The following PSORS1C1 variants were observed in gnomAD, a reference collection of about 807,000 sequenced individuals.
PSORS1C1 encodes psoriasis susceptibility 1 candidate gene 1 protein.
A neutral mutation model predicts 9.4 loss-of-function variants in PSORS1C1; 7 were observed. The observed-to-expected ratio is 0.75, with a 90% CI of 0.42 to 1.40. The LOEUF (loss-of-function observed/expected upper bound fraction) is 1.40, where lower values mean the gene tolerates loss of function less well. Among genes scored for constraint, PSORS1C1 ranks in the 40% most tolerant of loss-of-function variants. The probability of loss-of-function intolerance (pLI) is 0.01; values close to 1 mark genes in which losing one functional copy is unlikely to be tolerated. For synonymous variants in PSORS1C1, 63 were observed against 69.4 expected (o/e 0.91, Z 0.46); for missense variants, 146 against 178.1 (o/e 0.82, Z 1.02).
Position 31,115,344 on chromosome 6 carries a change from T to G in PSORS1C1, c.-229+453T>G. On this transcript the variant is annotated intron_variant, in intron 1 of 5. Coordinates refer to ENST00000259881, the MANE Select transcript of PSORS1C1 (RefSeq NM_014068.3). The surrounding 1 kb of genome is among the most constrained non-coding windows in gnomAD (Gnocchi z 4.2). ...GGGAGCCTGCTTCAACCTCTGAGGGTGCCCCAGTGTCTCCCTCACCCAGGG... is the reference window on the plus strand; with the variant it reads ...GGGAGCCTGCTTCAACCTCTGAGGGGGCCCCAGTGTCTCCCTCACCCAGGG... The G allele has an allele frequency of 5.7e-6, 1 of 176,566 alleles. No individual in the cohort carries two copies. Among genetic ancestry groups the G allele is most frequent in the East Asian group, 1.6e-4 (1 of 6,294 alleles). The allele number at this position is 176,566 out of a possible 1,614,324, so 10.9% of individuals were successfully genotyped here. A position where few individuals can be genotyped will look rare whatever the true frequency, so the allele number is the denominator to read the frequency against.
chr6:31,136,778 C>T (rs1041241812), intron 3 of PSORS1C1, among the ~76,000 whole-genome samples: 2 of 152,186 alleles, frequency 1.3e-5, no homozygotes, highest in African/African-American at 4.8e-5. Context: ...ACATGCTGGA[C>T]ATGGGCAAGA....
chr6:31,118,158 A>G (rs1467020735), intron 1 of PSORS1C1: 1 of 153,250 alleles, frequency 6.5e-6, no homozygotes, highest in South Asian at 2.1e-4. Context: ...GGAGACACAT[A>G]TAGAAGGAGA....
intron 1 of PSORS1C1, chr6:31,118,325 C>T (rs117198148): frequency 0.015 from 2,325 of 152,562 alleles, 92 homozygotes; most frequent in South Asian, 0.14. Context: ...GCCAGTAAAG[C>T]TGGGTGGGGG....
chr6:31,139,723 CAGG>C lies in PSORS1C1; in HGVS notation c.255_257del (p.Glu85del). 6.2e-7 allele frequency: 1 copy of C among 1,613,096 alleles called. No individual in the cohort carries two copies. The highest frequency in any genetic ancestry group is 8.5e-7 in the Non-Finnish European group (1 of 1,180,016). On this transcript the variant is annotated inframe_deletion, in exon 6 of 6. Transcript: ENST00000259881. The surrounding 1 kb of genome is among the most constrained non-coding windows in gnomAD (Gnocchi z 5.2). ...GGATGACTGCAGAAAAGGAAGGACA[CAGG>C]AGGATATCCTGGTTCCCTCTTCCCA... is the stretch of plus-strand genomic sequence containing the variant.
At chr6:31,131,030 G>A (rs1424773429) in intron 3 of PSORS1C1, among the ~76,000 whole-genome samples, 1 of 151,946 alleles carries the variant, frequency 6.6e-6, no homozygotes, top group Non-Finnish European at 1.5e-5. Context: ...GTCTTGTTAT[G>A]TTGCCCAGGC....
intron 2 of PSORS1C1, among the ~76,000 whole-genome samples, chr6:31,127,769 G>A (rs992448786): frequency 1.3e-5 from 2 of 151,818 alleles, no homozygotes; most frequent in South Asian, 2.1e-4. Flanking sequence ...AGCTGAGATC[G>A]CACCACTGCA....
intron 3 of PSORS1C1, among the ~76,000 whole-genome samples, chr6:31,131,717 G>C (rs1186818036): frequency 6.6e-6 from 1 of 151,852 alleles, no homozygotes; most frequent in Non-Finnish European, 1.5e-5. Flanking sequence ...GTGTGACCTT[G>C]CATGGGTCAC....
At chr6:31,121,056 A>C (rs1330003451) in intron 1 of PSORS1C1, among the ~76,000 whole-genome samples, 2 of 151,124 alleles carry the variant, frequency 1.3e-5, no homozygotes, top group Non-Finnish European at 3.0e-5. Flanking sequence ...CATACCTATT[A>C]CGTGTTCCAT....
intron 1 of PSORS1C1, among the ~76,000 whole-genome samples, chr6:31,124,309 G>T (rs2150965044): frequency 6.6e-6 from 1 of 152,282 alleles, no homozygotes; most frequent in African/African-American, 2.4e-5. Flanking sequence ...TGGGGCACGA[G>T]ATCCACCATG....
intron 5 of PSORS1C1, 180 bp downstream of exon 5, chr6:31,138,959 G>C: frequency 6.2e-7 from 1 of 1,613,726 alleles, no homozygotes. Context: ...CCCTGCCTCT[G>C]TTCCCACCTC....
At chr6:31,137,468 AC>A (rs1773199517) in intron 3 of PSORS1C1, 1 of 155,200 alleles carries the variant, frequency 6.4e-6, no homozygotes, top group Non-Finnish European at 1.4e-5. Context: ...AAAGAAAAAA[AC>A]AAATAAATAA....
intron 1 of PSORS1C1, among the ~76,000 whole-genome samples, chr6:31,123,630 T>C (rs973284597): frequency 1.3e-5 from 2 of 152,204 alleles, no homozygotes; most frequent in Admixed American, 6.5e-5. Flanking sequence ...TCAAAGCACA[T>C]GCCTTCCATA....
At position 31,114,891 on chromosome 6, in the gene PSORS1C1, G is replaced by A; in HGVS notation, c.-229G>A. ...CTCCCAGAGAGGATGGCATCTAGAAGGTGAGGAATGCTAATGGTGGAAGAA... is the reference window on the plus strand; with the variant it reads ...CTCCCAGAGAGGATGGCATCTAGAAAGTGAGGAATGCTAATGGTGGAAGAA... On this transcript the variant is annotated splice_region_variant and 5_prime_UTR_variant, in exon 1 of 6. Transcript: ENST00000259881. The A allele has an allele frequency of 2.2e-6, 1 of 456,230 alleles. No homozygotes were observed. Among genetic ancestry groups the A allele is most frequent in the Non-Finnish European group, 4.4e-6 (1 of 226,832 alleles). The allele number at this position is 456,230 out of a possible 1,614,324, so 28.3% of individuals were successfully genotyped here. A position where few individuals can be genotyped will look rare whatever the true frequency, so the allele number is the denominator to read the frequency against.
chr6:31,132,780 T>C (rs960851966), intron 3 of PSORS1C1, among the ~76,000 whole-genome samples: 3 of 151,134 alleles, frequency 2.0e-5, no homozygotes, highest in African/African-American at 7.3e-5. Flanking sequence ...GCCCAGGAGG[T>C]TGAGACTGCA....
At chr6:31,120,567 G>A (rs954301418) in intron 1 of PSORS1C1, 25 of 717,396 alleles carry the variant, frequency 3.5e-5, no homozygotes, top group African/African-American at 2.1e-4. Flanking sequence ...TGGTGTGGCC[G>A]GGAGGAGCGT....
In PSORS1C1 at chr6:31,140,085, T is replaced by G; in HGVS notation, c.*153T>G. ...CTACCCCACAGTAAGGAACACCTTA[T>G]TATGCAATGGCGTGATCTCATCTGT... On this transcript the variant is annotated 3_prime_UTR_variant, in exon 6 of 6. Transcript: ENST00000259881. The surrounding 1 kb of genome is among the most constrained non-coding windows in gnomAD (Gnocchi z 4.6). 1.4e-6 allele frequency: 1 copy of G among 710,792 alleles called. No homozygotes were observed. Among genetic ancestry groups the G allele is most frequent in the East Asian group, 2.5e-5 (1 of 39,458 alleles). The allele number at this position is 710,792 out of a possible 1,614,324, so 44.0% of individuals were successfully genotyped here.
rs889095438 is a variant in PSORS1C1 at position 31,114,824 on chromosome 6, G to C, written c.-296G>C. On this transcript the variant is annotated 5_prime_UTR_variant, in exon 1 of 6. Coordinates refer to ENST00000259881, the MANE Select transcript of PSORS1C1 (RefSeq NM_014068.3). ...AGTTGTTGTGTCCCAGCCTTCCCAAGCTTCCAGGTGTCCCAGAAACCCAGG... is the reference window on the plus strand; with the variant it reads ...AGTTGTTGTGTCCCAGCCTTCCCAACCTTCCAGGTGTCCCAGAAACCCAGG... 2 of 455,692 alleles carry C rather than the reference G, an allele frequency of 4.4e-6. No homozygotes were observed. Among genetic ancestry groups the C allele is most frequent in the African/African-American group, 4.0e-5 (2 of 49,974 alleles). 28.2% of individuals were successfully genotyped at this position (455,692 alleles called of 1,614,324 possible).
At chr6:31,118,247 G>A (rs1051583862) in intron 1 of PSORS1C1, 1 of 152,440 alleles carries the variant, frequency 6.6e-6, no homozygotes, top group Non-Finnish European at 1.5e-5. Flanking sequence ...TTGGTCACCA[G>A]CTTCTTCGTG....
rs1477062300 is a variant in PSORS1C1 at position 31,128,748 on chromosome 6, T to C, written c.-64-821T>C. On this transcript the variant is annotated intron_variant, in intron 2 of 5. Coordinates refer to ENST00000259881, the MANE Select transcript of PSORS1C1 (RefSeq NM_014068.3). This position sits in a 1 kb window ranked among gnomAD's most constrained non-coding sequence, Gnocchi z 4.3. ...ATACCAAAGCGAGTCTTGGGTCTAA[T>C]AATTTTGAAACATGAAATTGGCAGA... Among the ~76,000 whole-genome samples, 1 of 152,218 alleles carries C rather than the reference T, an allele frequency of 6.6e-6. No homozygotes were observed. The highest frequency in any genetic ancestry group is 1.5e-5 in the Non-Finnish European group (1 of 68,036).
Sources: allele counts gnomAD v4.1 joint callset (sites outside exome capture counted in the v4.1 genomes callset), GRCh38; gene constraint gnomAD v4.1.1; non-coding constraint Gnocchi (gnomAD v3.1); transcripts MANE v1.5; gene names NCBI Gene and HGNC (gene_info 2026-07-23, HGNC 2026-07-21).